Variants in CSMD3 observed in about 807,000 individuals in gnomAD.
CSMD3 encodes the protein CUB and Sushi multiple domains 3.
In CSMD3, 177 loss-of-function variants were observed where a neutral mutation model predicts 435.2. That is an observed-to-expected ratio of 0.41 (90% CI 0.36 to 0.46). The LOEUF is 0.46. Among genes scored for constraint, CSMD3 ranks in the 20% least tolerant of loss-of-function variants. The pLI, the probability that CSMD3 is intolerant of heterozygous loss-of-function variation, is 0.34. For missense variants in CSMD3, 4,265 were observed against 4,504.6 expected (o/e 0.95, Z 1.52); for synonymous variants, 1,656 against 1,520.5 (o/e 1.09, Z -2.07).
chr8:112,597,685 C>A (rs1285513708), intron 22 of CSMD3, among the ~76,000 whole-genome samples: 1 of 134,498 alleles, frequency 7.4e-6, no homozygotes, highest in Non-Finnish European at 1.6e-5. Flanking sequence ...AAGTGGGCTT[C>A]ATCCCTGGGA....
chr8:113,042,460 CTTTA>C (rs2087663634), intron 5 of CSMD3, among the ~76,000 whole-genome samples: 1 of 152,112 alleles, frequency 6.6e-6, no homozygotes, highest in Admixed American at 6.5e-5. Context: ...TAGGAAAACT[CTTTA>C]TTTGACATTT....
At chr8:112,591,340 A>G (rs1444571266) in intron 22 of CSMD3, among the ~76,000 whole-genome samples, 1 of 152,142 alleles carries the variant, frequency 6.6e-6, no homozygotes, top group Non-Finnish European at 1.5e-5. Context: ...GATAAGAGTC[A>G]CTGATACAGT....
chr8:112,744,227 C>A (rs894078775), intron 13 of CSMD3, among the ~76,000 whole-genome samples: 1 of 151,934 alleles, frequency 6.6e-6, no homozygotes, highest in African/African-American at 2.4e-5. Context: ...TCATTGAGAG[C>A]CTAAACTAAA....
At chr8:112,761,868 C>T (rs1386524134) in intron 13 of CSMD3, among the ~76,000 whole-genome samples, 1 of 151,904 alleles carries the variant, frequency 6.6e-6, no homozygotes, top group Non-Finnish European at 1.5e-5. Flanking sequence ...TGCAATTGGC[C>T]TTGTGGTATT....
chr8:112,476,507 A>T (rs1280449130), intron 31 of CSMD3, among the ~76,000 whole-genome samples: 1 of 152,054 alleles, frequency 6.6e-6, no homozygotes, highest in Non-Finnish European at 1.5e-5. Flanking sequence ...ACCATGAAAA[A>T]TTTTTTTACA....
At chr8:112,649,039 C>T (rs1261692245) in intron 19 of CSMD3, among the ~76,000 whole-genome samples, 1 of 152,204 alleles carries the variant, frequency 6.6e-6, no homozygotes, top group African/African-American at 2.4e-5. Context: ...TATCAACTTC[C>T]ATCTGCCTGA....
At chr8:113,087,418 G>C (rs961036955) in intron 5 of CSMD3, among the ~76,000 whole-genome samples, 6 of 152,206 alleles carry the variant, frequency 3.9e-5, no homozygotes, top group Non-Finnish European at 8.8e-5. Flanking sequence ...TAAGCCAAAA[G>C]AACAAAGCTG....
chr8:113,393,009 G>A (rs79913636), intron 1 of CSMD3, among the ~76,000 whole-genome samples: 145 of 150,910 alleles, frequency 9.6e-4, no homozygotes, highest in Middle Eastern at 3.5e-3. Flanking sequence ...ATACACATGT[G>A]TTTTTTTACA....
At chr8:112,614,373 T>A (rs1206694215) in intron 22 of CSMD3, among the ~76,000 whole-genome samples, 1 of 152,134 alleles carries the variant, frequency 6.6e-6, no homozygotes, top group East Asian at 1.9e-4. Flanking sequence ...TGACAAGCCT[T>A]TGCTCAGAAT....
chr8:112,592,245 A>T (rs1308772291), intron 22 of CSMD3, among the ~76,000 whole-genome samples: 1 of 152,026 alleles, frequency 6.6e-6, no homozygotes, highest in Non-Finnish European at 1.5e-5. Flanking sequence ...GGGTAGAAAG[A>T]TACATTAATT....
chr8:112,599,469 CAGGGATCTAGAACT>C (rs1832106350), intron 22 of CSMD3, among the ~76,000 whole-genome samples: 1 of 150,788 alleles, frequency 6.6e-6, no homozygotes, highest in Non-Finnish European at 1.5e-5. Context: ...GGCGATTCCT[CAGGGATCTAGAACT>C]AGAAATACCA....
intron 52 of CSMD3, 143 bp downstream of exon 52, chr8:112,304,578 A>G: frequency 1.5e-6 from 1 of 676,882 alleles, no homozygotes; most frequent in Non-Finnish European, 2.6e-6. Context: ...TAGTTAGAAA[A>G]TTTAAAAACG....
chr8:113,017,249 C>A (rs1278934180), intron 6 of CSMD3, among the ~76,000 whole-genome samples: 1 of 151,904 alleles, frequency 6.6e-6, no homozygotes, highest in African/African-American at 2.4e-5. Flanking sequence ...CAATTCCAAT[C>A]TTAAAAATAC....
At chr8:112,687,279 C>G (rs951068533) in intron 14 of CSMD3, among the ~76,000 whole-genome samples, 4 of 151,884 alleles carry the variant, frequency 2.6e-5, no homozygotes, top group Admixed American at 1.3e-4. Flanking sequence ...ACTCGCATTT[C>G]TTTGACTACT....
At chr8:113,268,585 C>T (rs1287337145) in intron 3 of CSMD3, among the ~76,000 whole-genome samples, 1 of 151,782 alleles carries the variant, frequency 6.6e-6, no homozygotes, top group Non-Finnish European at 1.5e-5. Context: ...TAAAGGGTCT[C>T]CAATACATAA....
intron 49 of CSMD3, 29 bp downstream of exon 49, chr8:112,313,877 T>G: frequency 6.4e-7 from 1 of 1,559,616 alleles, no homozygotes; most frequent in Non-Finnish European, 8.8e-7. Context: ...GATAGTGAGA[T>G]CTGTCCTGAA....
chr8:112,931,393 T>G (rs2083103120), intron 9 of CSMD3, among the ~76,000 whole-genome samples: 1 of 151,674 alleles, frequency 6.6e-6, no homozygotes, highest in African/African-American at 2.4e-5. Context: ...GGATATCCAT[T>G]ACAGAGGAAT....
At chr8:113,414,174 T>A (rs1249049703) in intron 1 of CSMD3, among the ~76,000 whole-genome samples, 6 of 152,238 alleles carry the variant, frequency 3.9e-5, no homozygotes, top group Admixed American at 6.5e-5. Flanking sequence ...CACATGTAGC[T>A]ATTGAGTATG....
intron 6 of CSMD3, among the ~76,000 whole-genome samples, chr8:112,999,743 A>C (rs2085793116): frequency 6.6e-6 from 1 of 151,764 alleles, no homozygotes; most frequent in African/African-American, 2.4e-5. Flanking sequence ...ATGTTTTGAA[A>C]GCAGAGCAAG....
Sources: gnomAD v4.1 joint callset for allele counts (sites outside exome capture counted in the v4.1 genomes callset) on GRCh38, gnomAD v4.1.1 for gene constraint, MANE v1.5 for transcripts, NCBI Gene and HGNC (gene_info 2026-07-23, HGNC 2026-07-21) for gene names.